ARL13B: variants seen among roughly 807,000 people sequenced by gnomAD.
The protein encoded by ARL13B is ARF like GTPase 13B.
A neutral mutation model predicts 56.1 loss-of-function variants in ARL13B; 36 were observed. That is an observed-to-expected ratio of 0.64 (90% CI 0.49 to 0.85). ARL13B has a LOEUF of 0.85. Among genes scored for constraint, ARL13B ranks in the 40% least tolerant of loss-of-function variants. The probability of loss-of-function intolerance (pLI) is 0.00; values close to 1 mark genes in which losing one functional copy is unlikely to be tolerated. For synonymous variants in ARL13B, 178 were observed against 171.1 expected (o/e 1.04, Z -0.32); for missense variants, 519 against 507.1 (o/e 1.02, Z -0.23).
intron 3 of ARL13B, among the ~76,000 whole-genome samples, chr3:94,007,236 A>C (rs1373021601): frequency 6.6e-6 from 1 of 152,230 alleles, no homozygotes; most frequent in Non-Finnish European, 1.5e-5. Flanking sequence ...CCTAAAGATT[A>C]AGAAACTTTT....
At chr3:93,980,549 G>T in intron 1 of ARL13B, 67 bp downstream of exon 1, 2 of 1,585,912 alleles carry the variant, frequency 1.3e-6, no homozygotes, top group African/African-American at 1.3e-5. Flanking sequence ...GGGGCGAGGC[G>T]CCGCCTTTTC....
chr3:93,994,272 G>A (rs924060662), intron 1 of ARL13B, among the ~76,000 whole-genome samples: 1 of 152,024 alleles, frequency 6.6e-6, no homozygotes, highest in Non-Finnish European at 1.5e-5. Flanking sequence ...TGTCTTTGCA[G>A]CAGCTGTTCT....
chr3:93,994,656 G>A (rs1360432076), intron 1 of ARL13B, among the ~76,000 whole-genome samples: 1 of 152,156 alleles, frequency 6.6e-6, no homozygotes, highest in African/African-American at 2.4e-5. Context: ...AAGATGGTCA[G>A]TGGTTATTTA....
At chr3:94,048,115 A>G (rs2077011171) in intron 7 of ARL13B, 1 of 152,268 alleles carries the variant, frequency 6.6e-6, no homozygotes, top group Admixed American at 6.5e-5. Context: ...TGGGAAGCCA[A>G]GGAGTGCAGA....
intron 3 of ARL13B, among the ~76,000 whole-genome samples, chr3:94,017,365 T>C (rs1401069623): frequency 2.0e-5 from 3 of 152,162 alleles, no homozygotes; most frequent in South Asian, 2.1e-4. Flanking sequence ...CAAACAAATA[T>C]TGCTTTCCCA....
At chr3:93,995,834 T>G in intron 1 of ARL13B, 40 bp from the exon 2 acceptor site, 1 of 1,549,464 alleles carries the variant, frequency 6.5e-7, no homozygotes, top group Non-Finnish European at 8.8e-7. Flanking sequence ...CAATACTAAA[T>G]TAACAAAGAA....
At chr3:94,041,917 A>G (rs1379450084) in intron 6 of ARL13B, among the ~76,000 whole-genome samples, 5 of 152,154 alleles carry the variant, frequency 3.3e-5, no homozygotes, top group African/African-American at 1.2e-4. Flanking sequence ...AAAATTAGCC[A>G]GGCGTGGCAC....
At chr3:94,018,697 C>G (rs937149712) in intron 3 of ARL13B, among the ~76,000 whole-genome samples, 1 of 152,142 alleles carries the variant, frequency 6.6e-6, no homozygotes, top group Admixed American at 6.5e-5. Flanking sequence ...CCTGTGAACC[C>G]GTAAACTGCC....
intron 3 of ARL13B, among the ~76,000 whole-genome samples, chr3:94,024,721 G>A (rs1298374139): frequency 1.3e-5 from 2 of 152,024 alleles, no homozygotes; most frequent in African/African-American, 2.4e-5. Flanking sequence ...GAGTAGCTGG[G>A]ACTACAGTTG....
intron 3 of ARL13B, chr3:94,014,792 C>T (rs1249796695): frequency 3.7e-6 from 6 of 1,613,892 alleles, no homozygotes; most frequent in Non-Finnish European, 4.2e-6. Context: ...TTGCACTTCT[C>T]TTGCTTTGCT....
chr3:94,001,933 A>G (rs1337947752), intron 2 of ARL13B, among the ~76,000 whole-genome samples: 1 of 152,168 alleles, frequency 6.6e-6, no homozygotes, highest in Non-Finnish European at 1.5e-5. Context: ...TATATGTCTA[A>G]CTTTACCTTT....
chr3:94,026,916 C>A (rs2076569713), intron 3 of ARL13B, among the ~76,000 whole-genome samples: 1 of 152,022 alleles, frequency 6.6e-6, no homozygotes, highest in South Asian at 2.1e-4. Flanking sequence ...ACAACTTGTT[C>A]TGGGAAATAG....
chr3:94,044,057 C>G (rs1289469731), intron 7 of ARL13B, among the ~76,000 whole-genome samples: 11 of 152,122 alleles, frequency 7.2e-5, no homozygotes, highest in Non-Finnish European at 1.5e-5. Flanking sequence ...GCTAAGATTA[C>G]AGCCTCTGCC....
intron 1 of ARL13B, among the ~76,000 whole-genome samples, chr3:93,984,109 A>C (rs1288249869): frequency 6.6e-6 from 1 of 152,216 alleles, no homozygotes; most frequent in Non-Finnish European, 1.5e-5. Flanking sequence ...TAGTCCCAGC[A>C]CTTTGGGAGG....
rs143364536 is a variant in ARL13B at position 94,009,557 on chromosome 3, G to C, written c.380+5649G>C. Among the ~76,000 whole-genome samples the C allele has an allele frequency of 1.2e-4, 19 of 152,146 alleles. No individual in the cohort carries two copies. The East Asian group carries it at 3.5e-3, about 28-fold the overall frequency. On this transcript the variant is annotated intron_variant, in intron 3 of 9. Transcript: ENST00000394222. ...ATAGAAGAATCTGAGTCCTGTTTTA[G>C]AATGCTGGAGACCTATAGATATGGA...
intron 5 of ARL13B, among the ~76,000 whole-genome samples, chr3:94,037,286 A>G (rs2076785683): frequency 6.6e-6 from 1 of 152,144 alleles, no homozygotes; most frequent in South Asian, 2.1e-4. Context: ...CTGCTAGAGA[A>G]TCATTCAACT....
chr3:94,015,856 T>C (rs1464081519), intron 3 of ARL13B, among the ~76,000 whole-genome samples: 1 of 152,198 alleles, frequency 6.6e-6, no homozygotes, highest in East Asian at 1.9e-4. Context: ...ATAATGTTTT[T>C]TCTAGCTGTT....
At chr3:94,039,252 G>A (rs1029999893) in intron 5 of ARL13B, among the ~76,000 whole-genome samples, 2 of 152,134 alleles carry the variant, frequency 1.3e-5, no homozygotes, top group African/African-American at 4.8e-5. Flanking sequence ...TGTAATCCCA[G>A]CACTTTGGGA....
At chr3:94,025,509 G>A (rs2076538021) in intron 3 of ARL13B, among the ~76,000 whole-genome samples, 1 of 152,112 alleles carries the variant, frequency 6.6e-6, no homozygotes, top group Non-Finnish European at 1.5e-5. Context: ...AGTTTCTTAG[G>A]AGTAAATTCC....
Sources: allele counts gnomAD v4.1 joint callset (sites outside exome capture counted in the v4.1 genomes callset), GRCh38; gene constraint gnomAD v4.1.1; transcripts MANE v1.5; gene names NCBI Gene and HGNC (gene_info 2026-07-23, HGNC 2026-07-21).